The following SNCAIP variants were observed in gnomAD, a reference collection of about 807,000 sequenced individuals.
SNCAIP encodes synuclein alpha interacting protein, also known as synphilin-1.
In SNCAIP, 43 loss-of-function variants were observed where a neutral mutation model predicts 86.7. The ratio of observed to expected loss-of-function variants is 0.50; its 90% CI spans 0.39 to 0.64. The LOEUF (loss-of-function observed/expected upper bound fraction) is 0.64. SNCAIP is among the 30% of genes least tolerant of loss of function. SNCAIP has a pLI of 0.00. For synonymous variants in SNCAIP, 417 were observed against 427.2 expected, an observed-to-expected ratio of 0.98 and a Z score of 0.29; for missense variants, 981 against 1,103.1, an observed-to-expected ratio of 0.89 and a Z score of 1.57.
chr5:122,427,621 G>A (rs560749401), intron 5 of SNCAIP, among the ~76,000 whole-genome samples: 37 of 152,080 alleles, frequency 2.4e-4, no homozygotes, highest in Non-Finnish European at 5.1e-4. Context: ...GATGAACATT[G>A]ATGACATTGA....
chr5:122,336,038 TTTA>T (rs1225685924), intron 1 of SNCAIP, among the ~76,000 whole-genome samples: 1 of 152,228 alleles, frequency 6.6e-6, no homozygotes, highest in Non-Finnish European at 1.5e-5. Context: ...ATATCTGCAT[TTTA>T]TTATTAAGAC....
In SNCAIP at chr5:122,352,069, T is replaced by C. The variant is rs75376002; in HGVS notation, c.-46-39020T>C. 6.6e-5 allele frequency among the ~76,000 whole-genome samples: 10 copies of C among 152,356 alleles called. No homozygotes were observed. The East Asian group carries it at 1.9e-3, about 29-fold the overall frequency. On this transcript the variant is annotated intron_variant, in intron 1 of 10. Transcript: ENST00000261368. ...TGCTCAGTGTTTGTTAATTATGTTA[T>C]CACAAATGTATTAAATTGGTAAATC... is the stretch of plus-strand genomic sequence containing the variant.
chr5:122,440,131 G>A (rs1780507240), intron 6 of SNCAIP, among the ~76,000 whole-genome samples: 1 of 152,208 alleles, frequency 6.6e-6, no homozygotes. Context: ...GTTGATTGCA[G>A]GAGGTATGGA....
intron 10 of SNCAIP, 29 bp from the exon 11 acceptor site, chr5:122,463,462 T>A (rs1272466039): frequency 3.0e-6 from 4 of 1,322,244 alleles, no homozygotes; most frequent in South Asian, 2.3e-5. Context: ...TTTTATCTAA[T>A]TTTGGCCTGT....
At chr5:122,443,350 T>G (rs1260905546) in intron 7 of SNCAIP, among the ~76,000 whole-genome samples, 1 of 152,248 alleles carries the variant, frequency 6.6e-6, no homozygotes, top group Non-Finnish European at 1.5e-5. Context: ...AATAACTTTT[T>G]GTGGAATCTA....
At chr5:122,433,479 A>G (rs1778817778) in intron 6 of SNCAIP, among the ~76,000 whole-genome samples, 1 of 152,174 alleles carries the variant, frequency 6.6e-6, no homozygotes, top group Admixed American at 6.6e-5. Context: ...AGGCACTGAT[A>G]TAGCTGAAGA....
chr5:122,428,838 C>T lies in SNCAIP; in HGVS notation c.1183-3131C>T, dbSNP rs529999262. Among the ~76,000 whole-genome samples, 52 of 151,666 alleles carry T rather than the reference C, an allele frequency of 3.4e-4. 1 individual carries two copies. Among genetic ancestry groups the T allele is most frequent in the African/African-American group, 1.1e-3 (45 of 41,300 alleles). On this transcript the variant is annotated intron_variant, in intron 5 of 10. Transcript: ENST00000261368. ...ATTCCCACCTATATGTGAGAACATG[C>T]GGTGTTTGGTTTTCTGTCCTTGTGA...
At chr5:122,422,332 G>A (rs558603687) in intron 3 of SNCAIP, among the ~76,000 whole-genome samples, 49 of 152,248 alleles carry the variant, frequency 3.2e-4, no homozygotes, top group Non-Finnish European at 5.1e-4. Context: ...CACCTAGGGA[G>A]TCACTCAAGG....
intron 8 of SNCAIP, among the ~76,000 whole-genome samples, chr5:122,446,777 G>A (rs1293959149): frequency 6.6e-6 from 1 of 152,154 alleles, no homozygotes; most frequent in African/African-American, 2.4e-5. Flanking sequence ...CAGGAGAGAG[G>A]ATGGAAAACA....
In SNCAIP at chr5:122,423,650, A is replaced by G. The variant is rs746747017; in HGVS notation, c.913A>G (p.Ser305Gly). ...GCAGGTCAGTGGCCTAAACCGGACCAGCTCCCAAGGCCCAGAAGAAAGGAG... is the reference window on the plus strand; with the variant it reads ...GCAGGTCAGTGGCCTAAACCGGACCGGCTCCCAAGGCCCAGAAGAAAGGAG... ...EEQVSGLNRT[S>G]SQGPEERSEY... The change falls in exon 4 of 11, where the codon AGC becomes GGC. Residue 305 changes from serine to glycine, a missense_variant. By Grantham distance (56) the Ser-to-Gly change is moderately conservative. Transcript: ENST00000261368. The G allele has an allele frequency of 6.2e-7, 1 of 1,612,644 alleles. No homozygotes were observed. The highest frequency in any genetic ancestry group is 2.2e-5 in the East Asian group (1 of 44,880).
intron 5 of SNCAIP, among the ~76,000 whole-genome samples, chr5:122,426,305 C>G (rs1581175701): frequency 6.6e-6 from 1 of 152,100 alleles, no homozygotes; most frequent in African/African-American, 2.4e-5. Context: ...CTTTGCTTTA[C>G]ATAATAGTTG....
At chr5:122,318,151 A>G (rs73279387) in intron 1 of SNCAIP, among the ~76,000 whole-genome samples, 27,375 of 151,866 alleles carry the variant, frequency 0.18, 2,560 homozygotes, top group South Asian at 0.3. Flanking sequence ...AGGTGCTGGT[A>G]TGTTCAGCAA....
chr5:122,361,248 G>A (rs1322585167), intron 1 of SNCAIP, among the ~76,000 whole-genome samples: 1 of 149,888 alleles, frequency 6.7e-6, no homozygotes, highest in African/African-American at 2.4e-5. Flanking sequence ...TTGATAGTCA[G>A]ATCATACTCT....
chr5:122,412,858 G>T (rs1436389194), intron 3 of SNCAIP, among the ~76,000 whole-genome samples: 1 of 152,214 alleles, frequency 6.6e-6, no homozygotes, highest in Non-Finnish European at 1.5e-5. Context: ...GCTGAAGCCA[G>T]ATTTCTTGCT....
In SNCAIP at chr5:122,446,671, G is replaced by T. The variant is rs549997005; in HGVS notation, c.1592+1939G>T. 2.2e-4 allele frequency among the ~76,000 whole-genome samples: 33 copies of T among 152,340 alleles called. No individual in the cohort carries two copies. In the South Asian group the frequency reaches 6.4e-3, roughly 30 times the overall value. The stretch of plus-strand genomic sequence containing the variant: ...TTTACCTACTGTATATCTAGGTGAA[G>T]TTGGCAAAACTAGAAATGAATGGAG... On this transcript the variant is annotated intron_variant, in intron 8 of 10. Transcript: ENST00000261368.
chr5:122,373,376 G>A (rs551621623), intron 1 of SNCAIP, among the ~76,000 whole-genome samples: 7 of 152,124 alleles, frequency 4.6e-5, no homozygotes, highest in Non-Finnish European at 1.0e-4. Context: ...GGTGATATCA[G>A]TTGATGATTT....
chr5:122,455,749 G>T (rs1362915223), intron 10 of SNCAIP, among the ~76,000 whole-genome samples: 1 of 152,020 alleles, frequency 6.6e-6, no homozygotes, highest in African/African-American at 2.4e-5. Context: ...GCTCTGTGAG[G>T]GCTCTGTTTG....
intron 5 of SNCAIP, among the ~76,000 whole-genome samples, chr5:122,427,391 A>G (rs1022136659): frequency 6.9e-6 from 1 of 144,166 alleles, no homozygotes; most frequent in Non-Finnish European, 1.5e-5. Flanking sequence ...TTTTTTTTTC[A>G]TTTTAATGAA....
intron 1 of SNCAIP, among the ~76,000 whole-genome samples, chr5:122,350,140 G>A (rs1400429448): frequency 1.3e-5 from 2 of 152,120 alleles, no homozygotes; most frequent in African/African-American, 2.4e-5. Context: ...CATTTTCTTG[G>A]TCTTGTCCCA....
Sources: gnomAD v4.1 joint callset for allele counts (sites outside exome capture counted in the v4.1 genomes callset) on GRCh38, gnomAD v4.1.1 for gene constraint, MANE v1.5 for transcripts, NCBI Gene and HGNC (gene_info 2026-07-23, HGNC 2026-07-21) for gene names.